The following TENT5D variants were observed in gnomAD, a reference collection of about 807,000 sequenced individuals.
TENT5D encodes the protein terminal nucleotidyltransferase 5D, also known as cancer/testis antigen 112.
For synonymous variants in TENT5D, 103 were observed against 100.6 expected, an observed-to-expected ratio of 1.02 and a Z score of -0.15; for missense variants, 191 against 287.0, an observed-to-expected ratio of 0.67 and a Z score of 2.42.
intron 3 of TENT5D, among the ~76,000 whole-genome samples, chrX:80,408,518 G>A (rs1353949502): frequency 4.3e-4 from 47 of 108,989 alleles, no homozygotes; most frequent in Middle Eastern, 4.7e-3. Flanking sequence ...TAAATTCCTC[G>A]ACACATACAC....
intron 3 of TENT5D, among the ~76,000 whole-genome samples, chrX:80,408,165 G>A (rs1258833096): frequency 1.9e-5 from 2 of 107,894 alleles, no homozygotes; most frequent in African/African-American, 6.8e-5. Context: ...ATCCAAAATT[G>A]ACACCCTAAC....
chrX:80,335,605 C>T (rs962124457), intron 1 of TENT5D: 3 of 111,955 alleles, frequency 2.7e-5, no homozygotes, highest in African/African-American at 9.8e-5. Context: ...TTCTTTTGTC[C>T]TACTCCAAAG....
At chrX:80,386,673 T>C (rs1168890407) in intron 3 of TENT5D, among the ~76,000 whole-genome samples, 1 of 111,978 alleles carries the variant, frequency 8.9e-6, no homozygotes, top group Non-Finnish European at 1.9e-5. Context: ...CAAGGAGGAA[T>C]TTTTCTTCCT....
chrX:80,409,465 A>G (rs1931587736), intron 3 of TENT5D, among the ~76,000 whole-genome samples: 1 of 110,692 alleles, frequency 9.0e-6, no homozygotes, highest in African/African-American at 3.3e-5. Context: ...ACAGACAAAT[A>G]GAGAGCCAAA....
rs752616689 is a variant in TENT5D, at chrX:80,357,016, G to T, written c.-142+14452G>T. On this transcript the variant is annotated intron_variant, in intron 3 of 4. Transcript: ENST00000538312. ...TTGGAGTGAGAACATGTGGTGTTTG[G>T]TTTTTTGTCCTTGAGATAGTTTGCT... 2.0e-4 allele frequency among the ~76,000 whole-genome samples: 22 copies of T among 111,228 alleles called. No homozygotes were observed. In the East Asian group the frequency reaches 5.1e-3, roughly 26 times the overall value.
At chrX:80,370,453 A>T (rs1379515201) in intron 3 of TENT5D, among the ~76,000 whole-genome samples, 1 of 112,224 alleles carries the variant, frequency 8.9e-6, no homozygotes, top group Non-Finnish European at 1.9e-5. Context: ...TATACAATTT[A>T]TATTTTTCCC....
At chrX:80,363,819 G>A (rs1930454347) in intron 3 of TENT5D, among the ~76,000 whole-genome samples, 1 of 111,806 alleles carries the variant, frequency 8.9e-6, no homozygotes, top group African/African-American at 3.2e-5. Flanking sequence ...TAATATTTTT[G>A]ACAAGTAAAA....
chrX:80,357,805 A>G (rs990415085), intron 3 of TENT5D, among the ~76,000 whole-genome samples: 1 of 111,431 alleles, frequency 9.0e-6, no homozygotes, highest in East Asian at 2.8e-4. Flanking sequence ...CAGAATTGGA[A>G]AAAAACTACT....
intron 3 of TENT5D, among the ~76,000 whole-genome samples, chrX:80,353,035 C>T (rs997915293): frequency 8.9e-6 from 1 of 111,935 alleles, no homozygotes; most frequent in Admixed American, 9.5e-5. Flanking sequence ...ATGAGATGAA[C>T]AGGCTACCTC....
chrX:80,397,823 G>A (rs1273271557), intron 3 of TENT5D, among the ~76,000 whole-genome samples: 1 of 112,079 alleles, frequency 8.9e-6, no homozygotes, highest in Non-Finnish European at 1.9e-5. Flanking sequence ...CAGGCACTCG[G>A]CAGGCTGAGG....
chrX:80,418,604 C>T (rs1385085217), upstream of TENT5D, among the ~76,000 whole-genome samples: 3 of 111,437 alleles, frequency 2.7e-5, no homozygotes, highest in Non-Finnish European at 5.7e-5. Flanking sequence ...AAAACTCCTT[C>T]CTCCTATCTT....
intron 2 of TENT5D, among the ~76,000 whole-genome samples, chrX:80,339,953 T>C (rs1003742972): frequency 9.2e-6 from 1 of 109,204 alleles, no homozygotes; most frequent in Non-Finnish European, 1.9e-5. Context: ...ATCCAAGACA[T>C]ATAATTTCTC....
chrX:80,392,703 AGACGGG>A (rs1931158903), intron 3 of TENT5D, among the ~76,000 whole-genome samples: 1 of 100,743 alleles, frequency 9.9e-6, no homozygotes, highest in Non-Finnish European at 2.0e-5. Context: ...TTTTTAGTAG[AGACGGG>A]GTTTCACCTT....
At chrX:80,430,117 C>A (rs1338142001) in intron 1 of TENT5D, among the ~76,000 whole-genome samples, 1 of 110,249 alleles carries the variant, frequency 9.1e-6, no homozygotes, top group Non-Finnish European at 1.9e-5. Flanking sequence ...TTTTTGGCAG[C>A]CATTAGGATT....
At chrX:80,372,714 C>T (rs990062805) in intron 3 of TENT5D, among the ~76,000 whole-genome samples, 9 of 109,023 alleles carry the variant, frequency 8.3e-5, no homozygotes, top group African/African-American at 3.0e-4. Flanking sequence ...TGGTGAAACC[C>T]CGTCTCTACT....
chrX:80,357,602 TG>T (rs1426865618), intron 3 of TENT5D, among the ~76,000 whole-genome samples: 2 of 111,675 alleles, frequency 1.8e-5, no homozygotes, highest in African/African-American at 6.5e-5. Flanking sequence ...CACTTGTTGA[TG>T]GGGTTGTGTT....
At chrX:80,393,098 T>C (rs1931168206) in intron 3 of TENT5D, among the ~76,000 whole-genome samples, 1 of 109,789 alleles carries the variant, frequency 9.1e-6, no homozygotes, top group African/African-American at 3.3e-5. Context: ...TTGTGAATTA[T>C]TTGACAACCA....
chrX:80,347,243 G>A (rs1410245965), intron 3 of TENT5D, among the ~76,000 whole-genome samples: 1 of 111,435 alleles, frequency 9.0e-6, no homozygotes, highest in East Asian at 2.8e-4. Flanking sequence ...GATCCTTGAG[G>A]AATTGCCACA....
chrX:80,424,497 A>AT (rs1931951156), intron 1 of TENT5D, among the ~76,000 whole-genome samples: 1 of 111,942 alleles, frequency 8.9e-6, no homozygotes. Flanking sequence ...ATTGTTTTCG[A>AT]TTTCTACATT....
Sources: gnomAD v4.1 joint callset for allele counts (sites outside exome capture counted in the v4.1 genomes callset) on GRCh38, gnomAD v4.1.1 for gene constraint, MANE v1.5 for transcripts, NCBI Gene and HGNC (gene_info 2026-07-23, HGNC 2026-07-21) for gene names.